The following APLP2 variants were observed in gnomAD, a reference collection of about 807,000 sequenced individuals.
The protein encoded by APLP2 is CDEI box-binding protein.
Under a neutral mutation model 89.9 loss-of-function variants are expected in APLP2, and 53 were observed. That is an observed-to-expected ratio of 0.59 (90% CI 0.47 to 0.74). The LOEUF (loss-of-function observed/expected upper bound fraction) is 0.74, where lower values mean the gene tolerates loss of function less well. Among genes scored for constraint, APLP2 ranks in the 30% least tolerant of loss-of-function variants. The pLI is 0.00. For missense variants in APLP2, 973 were observed against 975.9 expected, an observed-to-expected ratio of 1.00 and a Z score of 0.04; for synonymous variants, 372 against 348.6, an observed-to-expected ratio of 1.07 and a Z score of -0.75.
intron 3 of APLP2, among the ~76,000 whole-genome samples, chr11:130,119,279 C>G (rs1367708120): frequency 1.3e-5 from 2 of 152,192 alleles, no homozygotes; most frequent in African/African-American, 4.8e-5. Flanking sequence ...CTCGCCCTCT[C>G]TTCCTCTCCC....
At chr11:130,105,623 A>G (rs1687759884) in intron 1 of APLP2, among the ~76,000 whole-genome samples, 1 of 151,850 alleles carries the variant, frequency 6.6e-6, no homozygotes, top group Middle Eastern at 3.2e-3. Flanking sequence ...GGCTATAACC[A>G]CGAGTAATGG....
chr11:130,134,085 C>A (rs1951249468), intron 12 of APLP2, among the ~76,000 whole-genome samples: 1 of 152,246 alleles, frequency 6.6e-6, no homozygotes, highest in South Asian at 2.1e-4. Context: ...CTCACCTCCT[C>A]CTCTCCCGGT....
intron 1 of APLP2, among the ~76,000 whole-genome samples, chr11:130,092,708 G>GGAGAGGGA: frequency 7.5e-6 from 1 of 133,444 alleles, no homozygotes; most frequent in African/African-American, 3.0e-5. Flanking sequence ...GTGGGGGGAG[G>GGAGAGGGA]GAGGGGGAGG....
At chr11:130,090,243 C>CTTTTTTTTTTTTTTTT (rs1565558493) in intron 1 of APLP2, among the ~76,000 whole-genome samples, 1 of 135,636 alleles carries the variant, frequency 7.4e-6, no homozygotes, top group African/African-American at 2.8e-5. Flanking sequence ...AGTTCTAGCT[C>CTTTTTTTTTTTTTTTT]TGTCTTTTTT....
chr11:130,082,211 TCTG>T (rs1183612647), intron 1 of APLP2, among the ~76,000 whole-genome samples: 1 of 152,154 alleles, frequency 6.6e-6, no homozygotes, highest in Non-Finnish European at 1.5e-5. Flanking sequence ...GAGGTGGAGT[TCTG>T]CTCTTGTCGC....
chr11:130,093,279 C>G (rs1386128888), intron 1 of APLP2, among the ~76,000 whole-genome samples: 1 of 152,060 alleles, frequency 6.6e-6, no homozygotes, highest in African/African-American at 2.4e-5. Flanking sequence ...TTAGGATCAC[C>G]AAAGACTTCA....
chr11:130,109,211 TAAAA>T (rs60776836), intron 1 of APLP2: 4,868 of 361,898 alleles, frequency 0.013, 196 homozygotes, highest in African/African-American at 0.09. Context: ...ATAAAATAAA[TAAAA>T]AAGTTTTTTC....
intron 11 of APLP2, among the ~76,000 whole-genome samples, chr11:130,131,360 A>G (rs1950922120): frequency 6.6e-6 from 1 of 152,098 alleles, no homozygotes; most frequent in African/African-American, 2.4e-5. Context: ...CTGCCTCCCA[A>G]AGTTCTAGGA....
intron 1 of APLP2, among the ~76,000 whole-genome samples, chr11:130,100,037 G>A (rs1334372379): frequency 2.6e-5 from 4 of 152,220 alleles, no homozygotes; most frequent in Admixed American, 2.6e-4. Flanking sequence ...CTTGAAGAGC[G>A]CTTCTATGTG....
intron 1 of APLP2, among the ~76,000 whole-genome samples, chr11:130,103,737 T>G (rs932327118): frequency 6.6e-6 from 1 of 152,248 alleles, no homozygotes; most frequent in Admixed American, 6.5e-5. Flanking sequence ...AATTACTGTT[T>G]CTTAGCTATA....
chr11:130,109,782 C>T, intron 2 of APLP2, 180 bp downstream of exon 2: 5 of 575,442 alleles, frequency 8.7e-6, no homozygotes, highest in Admixed American at 4.0e-5. Context: ...AAAGGCTTTG[C>T]CTGCGTGTTC....
intron 4 of APLP2, among the ~76,000 whole-genome samples, chr11:130,121,277 G>A (rs1949787919): frequency 6.6e-6 from 1 of 152,176 alleles, no homozygotes; most frequent in African/African-American, 2.4e-5. Flanking sequence ...GTCAAATACT[G>A]AAGTAGTGCT....
At position 130,135,588 on chromosome 11, in the gene APLP2, A is replaced by G. The variant is rs149109874; in HGVS notation, c.1710A>G (p.Ala570=). 1.2e-6 allele frequency: 2 copies of G among 1,614,050 alleles called. No homozygotes were observed. Among genetic ancestry groups the G allele is most frequent in the African/African-American group, 1.3e-5 (1 of 74,910 alleles). Residue 570 remains alanine (A), a synonymous_variant, in exon 13 of 17, where the codon GCA becomes GCG. Transcript: ENST00000338167. ...ATGAGCTCCTTCAGGAGCAGCGTGC[A>G]GATATGGACCAGTTCACTGCCTCAA... ...EIDELLQEQR[A]DMDQFTASIS... is the part of the protein sequence containing the mutation.
intron 1 of APLP2, among the ~76,000 whole-genome samples, chr11:130,078,718 C>T (rs1942585955): frequency 6.6e-6 from 1 of 151,994 alleles, no homozygotes; most frequent in Admixed American, 6.6e-5. Context: ...TTGTCAAGGT[C>T]ATCCTTTCCC....
At chr11:130,074,929 C>T (rs1450413402) in intron 1 of APLP2, among the ~76,000 whole-genome samples, 5 of 152,044 alleles carry the variant, frequency 3.3e-5, no homozygotes, top group Non-Finnish European at 7.4e-5. Context: ...TCTAAATTGC[C>T]TATAATTCAA....
intron 10 of APLP2, among the ~76,000 whole-genome samples, chr11:130,129,809 G>A (rs1950738480): frequency 6.6e-6 from 1 of 152,156 alleles, no homozygotes; most frequent in African/African-American, 2.4e-5. Flanking sequence ...GGAGATTCTG[G>A]AAAATACTGT....
rs1436432211 is a variant in APLP2, at chr11:130,123,149, G to C, written c.923-463G>C. Among the ~76,000 whole-genome samples the C allele has an allele frequency of 6.6e-6, 1 of 152,192 alleles. No homozygotes were observed. The highest frequency in any genetic ancestry group is 1.5e-5 in the Non-Finnish European group (1 of 68,038). ...GTTGGGGGAAATTACTTAACCAGTT[G>C]AGAAGTTTGTGATTTGCCTTAGAGA... On this transcript the variant is annotated intron_variant, in intron 6 of 16. Coordinates refer to ENST00000338167, the MANE Select transcript of APLP2 (RefSeq NM_001142276.2). This position sits in a 1 kb window ranked among gnomAD's most constrained non-coding sequence, Gnocchi z 4.0.
chr11:130,084,514 A>G (rs1319711867), intron 1 of APLP2, among the ~76,000 whole-genome samples: 3 of 152,140 alleles, frequency 2.0e-5, no homozygotes, highest in East Asian at 1.9e-4. Flanking sequence ...TCTTAATCCT[A>G]TTTTGTTATT....
chr11:130,092,257 G>C (rs1362484381), intron 1 of APLP2, among the ~76,000 whole-genome samples: 1 of 138,534 alleles, frequency 7.2e-6, no homozygotes, highest in Non-Finnish European at 1.5e-5. Flanking sequence ...CAGGCAGAGG[G>C]GCTCCTCACA....
Sources: gnomAD v4.1 joint callset for allele counts (sites outside exome capture counted in the v4.1 genomes callset) on GRCh38, gnomAD v4.1.1 for gene constraint, Gnocchi (gnomAD v3.1) non-coding constraint, MANE v1.5 for transcripts, NCBI Gene and HGNC (gene_info 2026-07-23, HGNC 2026-07-21) for gene names.